The following TNKS variants were observed in gnomAD, a reference collection of about 807,000 sequenced individuals.
The protein encoded by TNKS is poly [ADP-ribose] polymerase tankyrase-1.
Under a neutral mutation model 135.8 loss-of-function variants are expected in TNKS, and 72 were observed. That is an observed-to-expected ratio of 0.53 (90% CI 0.44 to 0.64). TNKS has a LOEUF of 0.64. Ranked by LOEUF, TNKS falls within the 30% of genes least tolerant of loss-of-function variation. TNKS has a pLI of 0.00. For missense variants in TNKS, 1,769 were observed against 1,674.0 expected (o/e 1.06, Z -0.99); for synonymous variants, 849 against 649.3 (o/e 1.31, Z -4.68).
At position 9,702,667 on chromosome 8, in the gene TNKS, A is replaced by G. The variant is rs184066859; in HGVS notation, c.1108-1996A>G. 4.5e-3 allele frequency among the ~76,000 whole-genome samples: 691 copies of G among 152,320 alleles called. 1 individual carries two copies. The highest frequency in any genetic ancestry group is 0.016 in the African/African-American group (646 of 41,560). ...ATTTGACATGGATCTCAAAGCAGAA[A>G]CTTAGCTGGACATGTTTGATGATAA... On this transcript the variant is annotated intron_variant, in intron 5 of 26. Coordinates refer to ENST00000310430, the MANE Select transcript of TNKS (RefSeq NM_003747.3).
intron 3 of TNKS, among the ~76,000 whole-genome samples, chr8:9,662,479 G>A (rs1801766780): frequency 6.6e-6 from 1 of 152,122 alleles, no homozygotes; most frequent in Non-Finnish European, 1.5e-5. Context: ...ATCATTCTCA[G>A]CAAACTATCG....
chr8:9,649,894 T>C (rs913873248), intron 3 of TNKS, among the ~76,000 whole-genome samples: 6 of 99,948 alleles, frequency 6.0e-5, no homozygotes, highest in African/African-American at 2.1e-4. Flanking sequence ...TTTTTTTTTT[T>C]TTTTTTTTTT....
At chr8:9,763,737 C>CTGTT (rs939391408) in intron 22 of TNKS, among the ~76,000 whole-genome samples, 1 of 152,160 alleles carries the variant, frequency 6.6e-6, no homozygotes, top group Non-Finnish European at 1.5e-5. Context: ...CCTATGAAGG[C>CTGTT]TGTTTGTGTA....
intron 3 of TNKS, among the ~76,000 whole-genome samples, chr8:9,627,578 T>A (rs987084896): frequency 3.3e-5 from 5 of 151,794 alleles, no homozygotes; most frequent in African/African-American, 1.2e-4. Flanking sequence ...CTTGCTTGCT[T>A]GCTTGCTTGC....
At chr8:9,650,890 C>T (rs193179346) in intron 3 of TNKS, among the ~76,000 whole-genome samples, 1 of 152,140 alleles carries the variant, frequency 6.6e-6, no homozygotes, top group East Asian at 1.9e-4. Context: ...AATTCTTTGC[C>T]TAAGCTAATG....
intron 25 of TNKS, among the ~76,000 whole-genome samples, chr8:9,766,872 G>C (rs889788380): frequency 3.3e-5 from 5 of 152,140 alleles, no homozygotes; most frequent in African/African-American, 9.7e-5. Context: ...GAATGGGTGG[G>C]AACAGCTGAT....
intron 1 of TNKS, among the ~76,000 whole-genome samples, chr8:9,559,567 A>G (rs1272169442): frequency 6.7e-6 from 1 of 149,916 alleles, no homozygotes; most frequent in Admixed American, 6.6e-5. Flanking sequence ...ATAGTAGCAG[A>G]TAGGTAGTTT....
rs184459348 is a variant in TNKS at position 9,667,642 on chromosome 8, C to T, written c.995-12309C>T. 1.1e-3 allele frequency among the ~76,000 whole-genome samples: 174 copies of T among 152,286 alleles called. 1 individual carries two copies. The highest frequency in any genetic ancestry group is 3.9e-3 in the African/African-American group (164 of 41,564). ...CATAGTCTGTCATTGATTTACAAAA[C>T]GTCTCAGAAAGATGTAGTGAGTGCA... On this transcript the variant is annotated intron_variant, in intron 3 of 26. Transcript: ENST00000310430.
intron 2 of TNKS, among the ~76,000 whole-genome samples, chr8:9,586,103 A>T (rs547387765): frequency 3.9e-5 from 6 of 152,260 alleles, no homozygotes; most frequent in Non-Finnish European, 7.4e-5. Flanking sequence ...TTATTTGGCA[A>T]CTGCTTTTAT....
At chr8:9,620,188 T>C (rs2128767265) in intron 3 of TNKS, among the ~76,000 whole-genome samples, 1 of 152,272 alleles carries the variant, frequency 6.6e-6, no homozygotes, top group East Asian at 1.9e-4. Flanking sequence ...GACCTCGTGA[T>C]CCGCTGCCTT....
At chr8:9,648,994 G>A (rs1266564420) in intron 3 of TNKS, among the ~76,000 whole-genome samples, 1 of 151,908 alleles carries the variant, frequency 6.6e-6, no homozygotes, top group African/African-American at 2.4e-5. Flanking sequence ...TTAGAAAGTA[G>A]TGTCATACAT....
chr8:9,595,888 G>A (rs1798769848), intron 2 of TNKS, among the ~76,000 whole-genome samples: 1 of 152,092 alleles, frequency 6.6e-6, no homozygotes, highest in Non-Finnish European at 1.5e-5. Flanking sequence ...CAAAGTGGGA[G>A]GATTGCTTGA....
Position 9,779,204 on chromosome 8 carries a change from C to T in TNKS, c.*2468C>T, listed in dbSNP as rs924698254. On this transcript the variant is annotated 3_prime_UTR_variant, in exon 27 of 27. Transcript: ENST00000310430. ...TACATTTTTTTCAGAACTTGAAAAC[C>T]AAAGGTCATCATGAGTGCACTCAAA... 1.3e-5 allele frequency: 2 copies of T among 152,454 alleles called. No homozygotes were observed. Among genetic ancestry groups the T allele is most frequent in the Admixed American group, 6.6e-5 (1 of 15,264 alleles). 9.4% of individuals were successfully genotyped at this position (152,454 alleles called of 1,614,324 possible). A position where few individuals can be genotyped will look rare whatever the true frequency, so the allele number is the denominator to read the frequency against.
chr8:9,579,847 G>A (rs1798103208), intron 1 of TNKS, among the ~76,000 whole-genome samples: 1 of 152,170 alleles, frequency 6.6e-6, no homozygotes, highest in African/African-American at 2.4e-5. Flanking sequence ...GAAGCCTGAG[G>A]GGAAAGTGAG....
intron 3 of TNKS, among the ~76,000 whole-genome samples, chr8:9,678,509 A>C (rs1202214995): frequency 6.6e-6 from 1 of 152,206 alleles, no homozygotes; most frequent in African/African-American, 2.4e-5. Context: ...TAAACTTATA[A>C]CTTTATTGGT....
At chr8:9,653,806 T>C (rs1471107537) in intron 3 of TNKS, among the ~76,000 whole-genome samples, 1 of 152,190 alleles carries the variant, frequency 6.6e-6, no homozygotes, top group Non-Finnish European at 1.5e-5. Flanking sequence ...GCCCTTTCTT[T>C]CTGCTGGCTC....
chr8:9,625,253 G>C (rs535175463), intron 3 of TNKS, among the ~76,000 whole-genome samples: 63 of 151,638 alleles, frequency 4.2e-4, no homozygotes, highest in Non-Finnish European at 7.4e-4. Context: ...GTGCCTGCAG[G>C]GTCTGTAGTA....
chr8:9,620,044 G>T (rs1298973810), intron 3 of TNKS, among the ~76,000 whole-genome samples: 1 of 151,810 alleles, frequency 6.6e-6, no homozygotes, highest in Non-Finnish European at 1.5e-5. Context: ...CCGCCTCCCG[G>T]GTTTAAGCGA....
intron 1 of TNKS, chr8:9,566,420 C>T (rs1797543045): frequency 6.6e-6 from 1 of 151,942 alleles, no homozygotes; most frequent in Admixed American, 6.6e-5. Context: ...TTTATGAAAG[C>T]AGATAAATAT....
Sources: allele counts gnomAD v4.1 joint callset (sites outside exome capture counted in the v4.1 genomes callset), GRCh38; gene constraint gnomAD v4.1.1; transcripts MANE v1.5; gene names NCBI Gene and HGNC (gene_info 2026-07-23, HGNC 2026-07-21).